The following ZNF608 variants were observed in gnomAD, a reference collection of about 807,000 sequenced individuals.
ZNF608 encodes renal carcinoma antigen NY-REN-36.
In ZNF608, 12 loss-of-function variants were observed where a neutral mutation model predicts 109.0. The observed-to-expected ratio is 0.11, with a 90% CI of 0.07 to 0.18. The LOEUF (loss-of-function observed/expected upper bound fraction) is 0.18. Ranked by LOEUF, ZNF608 falls within the 10% of genes least tolerant of loss-of-function variation. ZNF608 has a pLI of 1.00. For missense variants in ZNF608, 1,707 were observed against 1,879.3 expected (o/e 0.91, Z 1.70); for synonymous variants, 732 against 717.4 (o/e 1.02, Z -0.33).
intron 2 of ZNF608, 150 bp from the exon 3 acceptor site, chr5:124,701,419 T>A: frequency 9.8e-7 from 1 of 1,023,148 alleles, no homozygotes; most frequent in Non-Finnish European, 1.4e-6. Flanking sequence ...TGCCAAAATA[T>A]AAAGGAGAAT....
chr5:124,710,913 G>A (rs190537482), intron 2 of ZNF608, among the ~76,000 whole-genome samples: 5 of 152,188 alleles, frequency 3.3e-5, no homozygotes, highest in Admixed American at 3.3e-4. Flanking sequence ...TATTGTCAAG[G>A]ACTCTTTAAA....
intron 3 of ZNF608, among the ~76,000 whole-genome samples, chr5:124,649,926 AGTGAGACTGTGT>A (rs1750706773): frequency 6.6e-6 from 1 of 152,220 alleles, no homozygotes; most frequent in African/African-American, 2.4e-5. Context: ...GGTACAAAGG[AGTGAGACTGTGT>A]GTGAGAGTGT....
intron 6 of ZNF608, 84 bp from the exon 7 acceptor site, chr5:124,643,767 G>A: frequency 7.3e-7 from 1 of 1,375,656 alleles, no homozygotes; most frequent in South Asian, 1.4e-5. Context: ...TTTGGGATAA[G>A]AGTCAAAGAG....
chr5:124,703,710 G>A (rs1215157376), intron 2 of ZNF608, among the ~76,000 whole-genome samples: 1 of 152,172 alleles, frequency 6.6e-6, no homozygotes, highest in Non-Finnish European at 1.5e-5. Context: ...CAAGGCAGCA[G>A]TGAGCTATGA....
At chr5:124,644,158 A>G in intron 6 of ZNF608, 86 bp downstream of exon 6, 1 of 1,232,186 alleles carries the variant, frequency 8.1e-7, no homozygotes, top group Non-Finnish European at 1.1e-6. Flanking sequence ...TCACTCTTGA[A>G]GCTTCTAATT....
rs1580534976 is a variant in ZNF608, at chr5:124,648,041, C to T, written c.2343G>A (p.Lys781=). ...LTTTVVQATP[K]SPPLKPIQPK... ...GTTGAATGGGTTTTAACGGAGGACT[C>T]TTTGGTGTAGCCTGAACAACAGTTG... Residue 781 remains lysine (K), a synonymous_variant, in exon 5 of 10, where the codon AAG becomes AAA. Transcript: ENST00000513986. The T allele has an allele frequency of 1.2e-6, 2 of 1,613,834 alleles. No homozygotes were observed. Among genetic ancestry groups the T allele is most frequent in the Non-Finnish European group, 1.7e-6 (2 of 1,180,032 alleles).
intron 3 of ZNF608, among the ~76,000 whole-genome samples, chr5:124,661,005 T>C (rs374160419): frequency 5.9e-5 from 9 of 152,344 alleles, no homozygotes; most frequent in African/African-American, 9.6e-5. Context: ...ATCTTTCTTT[T>C]AGAATCTTAA....
At chr5:124,702,645 A>G (rs2149852728) in intron 2 of ZNF608, among the ~76,000 whole-genome samples, 1 of 152,248 alleles carries the variant, frequency 6.6e-6, no homozygotes, top group South Asian at 2.1e-4. Context: ...TACAGTTTGC[A>G]TTTCACTAAA....
intron 2 of ZNF608, among the ~76,000 whole-genome samples, chr5:124,726,501 C>T (rs567241944): frequency 1.0e-3 from 154 of 152,186 alleles, no homozygotes; most frequent in Non-Finnish European, 1.5e-3. Context: ...CTCAGGACAA[C>T]GTGACCATTT....
intron 2 of ZNF608, among the ~76,000 whole-genome samples, chr5:124,727,377 G>A (rs1200736962): frequency 2.6e-5 from 4 of 152,124 alleles, no homozygotes; most frequent in Non-Finnish European, 5.9e-5. Context: ...TCTTGACCTT[G>A]TATAGCTGCC....
chr5:124,680,665 C>T (rs1408595674), intron 3 of ZNF608, among the ~76,000 whole-genome samples: 3 of 151,888 alleles, frequency 2.0e-5, no homozygotes, highest in African/African-American at 7.3e-5. Flanking sequence ...GGAAAGTCTC[C>T]AACAAAAAAT....
intron 3 of ZNF608, among the ~76,000 whole-genome samples, chr5:124,660,823 G>A (rs760930558): frequency 8.5e-5 from 13 of 152,162 alleles, no homozygotes; most frequent in Non-Finnish European, 1.5e-4. Context: ...ACTCACCCAG[G>A]TCATAAGCTG....
intron 3 of ZNF608, among the ~76,000 whole-genome samples, chr5:124,693,320 T>C (rs1752691724): frequency 6.6e-6 from 1 of 152,236 alleles, no homozygotes; most frequent in Admixed American, 6.5e-5. Context: ...ACTATAATAT[T>C]AAGACACTCA....
intron 3 of ZNF608, among the ~76,000 whole-genome samples, chr5:124,671,078 C>A (rs1018782917): frequency 1.3e-5 from 2 of 152,252 alleles, no homozygotes; most frequent in Admixed American, 1.3e-4. Context: ...ATTGTACACA[C>A]TATATTTTCC....
chr5:124,697,849 G>A (rs1337923026), intron 3 of ZNF608, among the ~76,000 whole-genome samples: 1 of 152,138 alleles, frequency 6.6e-6, no homozygotes, highest in Non-Finnish European at 1.5e-5. Flanking sequence ...CCCCCAAAGA[G>A]TGCAGGCATG....
At chr5:124,705,193 T>C in intron 2 of ZNF608, among the ~76,000 whole-genome samples, 1 of 152,202 alleles carries the variant, frequency 6.6e-6, no homozygotes, top group East Asian at 1.9e-4. Context: ...CCATAATTTC[T>C]TCAGCCAATG....
At chr5:124,722,588 C>G (rs1284291515) in intron 2 of ZNF608, among the ~76,000 whole-genome samples, 5 of 114,070 alleles carry the variant, frequency 4.4e-5, no homozygotes, top group African/African-American at 1.9e-4. Context: ...CACACACACA[C>G]ACACACACAC....
intron 2 of ZNF608, among the ~76,000 whole-genome samples, chr5:124,704,494 C>T (rs943966783): frequency 6.6e-6 from 1 of 152,086 alleles, no homozygotes; most frequent in East Asian, 1.9e-4. Flanking sequence ...CCTTAGAGGT[C>T]GCCAGCAAGA....
chr5:124,696,657 G>A (rs971488772), intron 3 of ZNF608, among the ~76,000 whole-genome samples: 20 of 152,268 alleles, frequency 1.3e-4, no homozygotes, highest in African/African-American at 4.3e-4. Context: ...ATGTTGAGGA[G>A]CAAAGCCAGA....
Sources: gnomAD v4.1 joint callset for allele counts (sites outside exome capture counted in the v4.1 genomes callset) on GRCh38, gnomAD v4.1.1 for gene constraint, MANE v1.5 for transcripts, NCBI Gene and HGNC (gene_info 2026-07-23, HGNC 2026-07-21) for gene names.